The following INTS9 variants were observed in gnomAD, a reference collection of about 807,000 sequenced individuals.
INTS9 encodes the protein protein related to CPSF subunits of 74 kDa.
In INTS9, 55 loss-of-function variants were observed where a neutral mutation model predicts 79.7. That is an observed-to-expected ratio of 0.69 (90% CI 0.56 to 0.86). The LOEUF is 0.86. Among genes scored for constraint, INTS9 ranks in the 40% least tolerant of loss-of-function variants. The probability of loss-of-function intolerance (pLI) is 0.00; values close to 1 mark genes in which losing one functional copy is unlikely to be tolerated. For missense variants in INTS9, 721 were observed against 831.5 expected (o/e 0.87, Z 1.64); for synonymous variants, 319 against 325.2 (o/e 0.98, Z 0.20).
At chr8:28,875,527 T>C (rs1307251760) in intron 1 of INTS9, among the ~76,000 whole-genome samples, 2 of 152,124 alleles carry the variant, frequency 1.3e-5, no homozygotes, top group Non-Finnish European at 2.9e-5. Context: ...GGTACATGTA[T>C]AGGACGTACA....
chr8:28,849,940 T>C (rs1760795784), intron 3 of INTS9: 2 of 315,262 alleles, frequency 6.3e-6, no homozygotes, highest in Non-Finnish European at 1.1e-5. Context: ...ATAATAGTTG[T>C]CTTTCTGTGG....
chr8:28,786,910 G>A (rs1803632246), intron 11 of INTS9, among the ~76,000 whole-genome samples: 2 of 151,838 alleles, frequency 1.3e-5, no homozygotes, highest in South Asian at 2.1e-4. Flanking sequence ...GTAGAGACGG[G>A]GTTTCACTGT....
intron 8 of INTS9, 24 bp downstream of exon 8, chr8:28,812,303 T>G (rs745430691): frequency 6.2e-7 from 1 of 1,610,388 alleles, no homozygotes; most frequent in East Asian, 2.2e-5. Flanking sequence ...AAAGCTGAGT[T>G]GCTAGAAGAG....
rs2131237938 is a variant in INTS9, at chr8:28,846,798, C to T, written c.210G>A (p.Glu70=). The T allele has an allele frequency of 6.2e-7, 1 of 1,612,644 alleles. No individual in the cohort carries two copies. The highest frequency in any genetic ancestry group is 8.5e-7 in the Non-Finnish European group (1 of 1,178,696). ...GNAFLDKELK[E]CSGHVFVDSV... Reference sequence around the variant, plus strand: ...AATCCACAAATACATGACCCGAGCACTCCTTTAGCTCCTAAAAGAAATGAA... The same window carrying T: ...AATCCACAAATACATGACCCGAGCATTCCTTTAGCTCCTAAAAGAAATGAA... Residue 70 remains glutamate (E), a synonymous_variant, in exon 4 of 17, where the codon GAG becomes GAA. Coordinates refer to ENST00000521022, the MANE Select transcript of INTS9 (RefSeq NM_018250.4).
At chr8:28,830,461 C>G (rs963225782) in intron 6 of INTS9, among the ~76,000 whole-genome samples, 3 of 151,576 alleles carry the variant, frequency 2.0e-5, no homozygotes, top group African/African-American at 7.3e-5. Context: ...AGGTGAAACC[C>G]AAAAAATACA....
chr8:28,790,071 T>C (rs1032924324), intron 10 of INTS9, among the ~76,000 whole-genome samples: 1 of 152,018 alleles, frequency 6.6e-6, no homozygotes, highest in Non-Finnish European at 1.5e-5. Context: ...TCTGCAGGCA[T>C]CAAAGCAGGA....
At chr8:28,787,699 C>T in intron 11 of INTS9, 130 bp downstream of exon 11, 2 of 524,292 alleles carry the variant, frequency 3.8e-6, no homozygotes, top group South Asian at 6.9e-5. Context: ...TTCCCTGTGT[C>T]TGACTTGGGA....
intron 2 of INTS9, among the ~76,000 whole-genome samples, chr8:28,856,440 C>T (rs776272765): frequency 5.3e-5 from 8 of 151,894 alleles, no homozygotes; most frequent in African/African-American, 1.5e-4. Context: ...TTTTGAGACA[C>T]GGTCTCTCTC....
At chr8:28,823,256 C>A (rs1198552926) in intron 6 of INTS9, among the ~76,000 whole-genome samples, 2 of 152,182 alleles carry the variant, frequency 1.3e-5, no homozygotes, top group African/African-American at 4.8e-5. Context: ...TCTCTGCCCT[C>A]CTCTTTTTCT....
chr8:28,844,272 C>T (rs973543348), intron 4 of INTS9, among the ~76,000 whole-genome samples: 79 of 152,254 alleles, frequency 5.2e-4, no homozygotes, highest in Admixed American at 5.0e-3. Flanking sequence ...TAGCTGGGCG[C>T]GGTGGTTCAA....
Position 28,821,321 on chromosome 8 carries a change from A to C in INTS9, c.489-7709T>G, listed in dbSNP as rs571548677. On this transcript the variant is annotated intron_variant, in intron 6 of 16. Transcript: ENST00000521022. ...AAGATACTTCTTACATGGCGGTGGCAAGAGAAAATGAGGAAGAAGCAAAAG... is the reference window on the plus strand; with the variant it reads ...AAGATACTTCTTACATGGCGGTGGCCAGAGAAAATGAGGAAGAAGCAAAAG... Among the ~76,000 whole-genome samples, 298 of 152,246 alleles carry C rather than the reference A, an allele frequency of 2.0e-3. 3 individuals are homozygous for C. The highest frequency in any genetic ancestry group is 0.012 in the Admixed American group (177 of 15,294).
chr8:28,857,964 A>C (rs1414766288), intron 2 of INTS9, among the ~76,000 whole-genome samples: 3 of 152,192 alleles, frequency 2.0e-5, no homozygotes, highest in African/African-American at 7.2e-5. Flanking sequence ...CTCCTAGTAG[A>C]ACTTCCCTCT....
At chr8:28,803,934 T>C (rs1804662174) in intron 8 of INTS9, among the ~76,000 whole-genome samples, 1 of 152,142 alleles carries the variant, frequency 6.6e-6, no homozygotes, top group Admixed American at 6.5e-5. Context: ...TTTTTATTTA[T>C]TTATTTTGAG....
intron 1 of INTS9, among the ~76,000 whole-genome samples, chr8:28,886,900 T>C (rs781703020): frequency 4.6e-5 from 7 of 152,256 alleles, no homozygotes; most frequent in Non-Finnish European, 5.9e-5. Flanking sequence ...AAAAGGTAGC[T>C]ATCATTCCTT....
rs149370542 is a variant in INTS9, at chr8:28,846,912, C to G, written c.199-103G>C. On this transcript the variant is annotated intron_variant, in intron 3 of 16. Coordinates refer to ENST00000521022, the MANE Select transcript of INTS9 (RefSeq NM_018250.4). Reference sequence around the variant, plus strand: ...AAAACTTTTCATGAAGAATCATAGACTACTAGAGCTGGAGGGAAGCTGGGA... The same window carrying G: ...AAAACTTTTCATGAAGAATCATAGAGTACTAGAGCTGGAGGGAAGCTGGGA... 1.7e-4 allele frequency: 144 copies of G among 860,942 alleles called. No individual in the cohort carries two copies. In the African/African-American group the frequency reaches 2.1e-3, roughly 13 times the overall value. 53.3% of individuals were successfully genotyped at this position (860,942 alleles called of 1,614,324 possible). A position where few individuals can be genotyped will look rare whatever the true frequency, so the allele number is the denominator to read the frequency against.
rs1378206899 is a variant in INTS9, at chr8:28,775,851, C to G, written c.1471G>C (p.Asp491His). 1 of 1,613,058 alleles carries G rather than the reference C, an allele frequency of 6.2e-7. No individual in the cohort carries two copies. Among genetic ancestry groups the G allele is most frequent in the African/African-American group, 1.3e-5 (1 of 74,884 alleles). Residue 491 changes from aspartate to histidine, a missense_variant, in exon 14 of 17, where the codon GAC (aspartate) becomes CAC (histidine). By Grantham distance (81) the Asp-to-His change is moderately conservative. Around this residue, in one of 3 missense-constraint regions of INTS9, gnomAD observed 281 missense variants for 300.8 expected, o/e 0.93. Coordinates refer to ENST00000521022, the MANE Select transcript of INTS9 (RefSeq NM_018250.4). ...TAGGACATGGCGGGGGGCTGGCAGT[C>G]GATCATGAGGTCCATCCTGTGGGAC... ...AQSHRMDLMIDCQPPAMSYRR... is the reference protein window; with the variant it reads ...AQSHRMDLMIHCQPPAMSYRR...
At chr8:28,881,470 G>T (rs1470486430) in intron 1 of INTS9, among the ~76,000 whole-genome samples, 4 of 108,954 alleles carry the variant, frequency 3.7e-5, no homozygotes, top group African/African-American at 1.3e-4. Context: ...CCGTCCGGGA[G>T]GGGGGAGGGG....
chr8:28,851,136 C>T (rs187761769), intron 2 of INTS9, among the ~76,000 whole-genome samples: 2 of 152,230 alleles, frequency 1.3e-5, no homozygotes, highest in East Asian at 3.9e-4. Flanking sequence ...AAAAGGATTT[C>T]AGCACTCACT....
chr8:28,786,094 TCATAC>T (rs2130919557), intron 11 of INTS9, among the ~76,000 whole-genome samples: 1 of 152,320 alleles, frequency 6.6e-6, no homozygotes, highest in African/African-American at 2.4e-5. Flanking sequence ...GTAAATAAAA[TCATAC>T]CATATCTACT....
Sources: allele counts gnomAD v4.1 joint callset (sites outside exome capture counted in the v4.1 genomes callset), GRCh38; gene constraint gnomAD v4.1.1; regional missense constraint gnomAD v4.1.1; transcripts MANE v1.5; gene names NCBI Gene and HGNC (gene_info 2026-07-23, HGNC 2026-07-21).